Variants in PTPRD observed in about 807,000 individuals in gnomAD.
The protein encoded by PTPRD is protein tyrosine phosphatase receptor type D, also known as receptor-type tyrosine-protein phosphatase delta.
A neutral mutation model predicts 214.5 loss-of-function variants in PTPRD; 34 were observed. The ratio of observed to expected loss-of-function variants is 0.16; its 90% CI spans 0.12 to 0.21. PTPRD has a LOEUF of 0.21. Ranked by LOEUF, PTPRD falls within the 10% of genes least tolerant of loss-of-function variation. The probability of loss-of-function intolerance (pLI) is 1.00; values close to 1 mark genes in which losing one functional copy is unlikely to be tolerated. For synonymous variants in PTPRD, 1,128 were observed against 845.7 expected (o/e 1.33, Z -5.79); for missense variants, 2,545 against 2,398.7 (o/e 1.06, Z -1.27).
At chr9:9,131,142 T>C (rs988430872) in intron 10 of PTPRD, among the ~76,000 whole-genome samples, 5 of 152,152 alleles carry the variant, frequency 3.3e-5, no homozygotes. Flanking sequence ...TAAAAAATGA[T>C]ACTTAGGGCA....
At chr9:8,401,560 T>TTGGTTGG (rs1476908263) in intron 36 of PTPRD, among the ~76,000 whole-genome samples, 4 of 152,142 alleles carry the variant, frequency 2.6e-5, no homozygotes, top group Non-Finnish European at 5.9e-5. Context: ...TTTCCTAGCC[T>TTGGTTGG]AAATAAAATG....
chr9:10,151,256 C>CTTTT lies in PTPRD; in HGVS notation c.-544-117470_-544-117467dup, dbSNP rs71321228. 3.7e-3 allele frequency among the ~76,000 whole-genome samples: 46 copies of CTTTT among 12,384 alleles called. 12 individuals carry two copies. Among genetic ancestry groups the CTTTT allele is most frequent in the South Asian group, 6.6e-3 (2 of 304 alleles). The allele number at this position is 12,384 out of a possible 152,430, so 8.1% of individuals were successfully genotyped here. A position where few individuals can be genotyped will look rare whatever the true frequency, so the allele number is the denominator to read the frequency against. ...TTGTATTTCTAGACTTTTTTGTTAACTTTTTTTTTTTTTTTTTTTTTTTTG... is the reference window on the plus strand; with the variant it reads ...TTGTATTTCTAGACTTTTTTGTTAACTTTTTTTTTTTTTTTTTTTTTTTTTTTTG... On this transcript the variant is annotated intron_variant, in intron 3 of 45. Coordinates refer to ENST00000381196, the MANE Select transcript of PTPRD (RefSeq NM_002839.4).
At chr9:8,824,858 A>G (rs2097144741) in intron 11 of PTPRD, among the ~76,000 whole-genome samples, 1 of 152,200 alleles carries the variant, frequency 6.6e-6, no homozygotes, top group Admixed American at 6.5e-5. Flanking sequence ...TTTAATAACA[A>G]GTATAGTATA....
At chr9:8,667,583 T>G (rs2097195438) in intron 12 of PTPRD, among the ~76,000 whole-genome samples, 3 of 152,114 alleles carry the variant, frequency 2.0e-5, no homozygotes, top group Admixed American at 2.0e-4. Context: ...AAAGATTGCA[T>G]AAAATTATCT....
At chr9:8,440,209 C>T (rs2095501155) in intron 34 of PTPRD, among the ~76,000 whole-genome samples, 1 of 151,912 alleles carries the variant, frequency 6.6e-6, no homozygotes, top group Admixed American at 6.6e-5. Flanking sequence ...CTTTAGTACT[C>T]AGCTATTATT....
At chr9:8,953,862 G>C (rs753506960) in intron 11 of PTPRD, among the ~76,000 whole-genome samples, 1 of 151,920 alleles carries the variant, frequency 6.6e-6, no homozygotes, top group Admixed American at 6.6e-5. Context: ...TATTGGCAAG[G>C]CTGCAAAGAA....
At chr9:10,119,469 C>T (rs559073987) in intron 3 of PTPRD, among the ~76,000 whole-genome samples, 28 of 151,948 alleles carry the variant, frequency 1.8e-4, no homozygotes, top group African/African-American at 2.9e-4. Context: ...ATGTTTAAAA[C>T]GGTTCTAGTA....
intron 9 of PTPRD, among the ~76,000 whole-genome samples, chr9:9,358,403 G>C (rs1033117622): frequency 1.3e-5 from 2 of 151,152 alleles, no homozygotes; most frequent in Non-Finnish European, 1.5e-5. Flanking sequence ...AATATACCAG[G>C]TATCTTGCTA....
chr9:8,331,793 A>G (rs897919095), intron 43 of PTPRD, 57 bp from the exon 44 acceptor site: 42 of 1,511,310 alleles, frequency 2.8e-5, no homozygotes, highest in South Asian at 5.4e-5. Context: ...AGGATTCAGC[A>G]AGCATACGGA....
chr9:8,864,416 A>T (rs1429383897), intron 11 of PTPRD, among the ~76,000 whole-genome samples: 1 of 152,194 alleles, frequency 6.6e-6, no homozygotes, highest in East Asian at 1.9e-4. Flanking sequence ...GTGCTTTAAG[A>T]TTCAATGGTT....
intron 3 of PTPRD, among the ~76,000 whole-genome samples, chr9:10,124,241 C>T (rs900248876): frequency 3.9e-5 from 6 of 152,156 alleles, no homozygotes; most frequent in Non-Finnish European, 4.4e-5. Context: ...AGAAGTTACT[C>T]ATTTCATGCA....
chr9:10,230,891 TG>T (rs916627609), intron 3 of PTPRD, among the ~76,000 whole-genome samples: 3 of 152,058 alleles, frequency 2.0e-5, no homozygotes, highest in Admixed American at 2.0e-4. Context: ...GTTTAAAGTT[TG>T]TTTTACATAT....
At chr9:8,845,636 C>G (rs1396302863) in intron 11 of PTPRD, among the ~76,000 whole-genome samples, 1 of 152,242 alleles carries the variant, frequency 6.6e-6, no homozygotes, top group Non-Finnish European at 1.5e-5. Flanking sequence ...AGATTAGATA[C>G]TGCAAATCCT....
At chr9:9,167,712 G>T (rs1316693020) in intron 10 of PTPRD, among the ~76,000 whole-genome samples, 1 of 152,032 alleles carries the variant, frequency 6.6e-6, no homozygotes, top group Non-Finnish European at 1.5e-5. Context: ...CCGAGATCGC[G>T]CCATTGCACT....
intron 12 of PTPRD, among the ~76,000 whole-genome samples, chr9:8,712,215 G>C (rs1182892473): frequency 6.6e-6 from 1 of 152,184 alleles, no homozygotes; most frequent in East Asian, 1.9e-4. Flanking sequence ...GGATGGAGCT[G>C]TCCTTAGTAA....
At chr9:9,800,838 T>G (rs1254914687) in intron 5 of PTPRD, among the ~76,000 whole-genome samples, 1 of 152,156 alleles carries the variant, frequency 6.6e-6, no homozygotes, top group East Asian at 1.9e-4. Context: ...ATAAGCAATT[T>G]AAAGCTTGTA....
intron 5 of PTPRD, among the ~76,000 whole-genome samples, chr9:9,933,139 A>T (rs1318446933): frequency 6.6e-6 from 1 of 152,234 alleles, no homozygotes; most frequent in Non-Finnish European, 1.5e-5. Flanking sequence ...AAATGTAAAG[A>T]CCATCGAGAC....
intron 5 of PTPRD, among the ~76,000 whole-genome samples, chr9:9,797,717 G>C (rs1483720989): frequency 6.6e-6 from 1 of 151,196 alleles, no homozygotes; most frequent in Non-Finnish European, 1.5e-5. Flanking sequence ...CTTGTGGCAG[G>C]CACCTGTAAT....
intron 9 of PTPRD, among the ~76,000 whole-genome samples, chr9:9,299,337 A>G (rs1041419775): frequency 1.8e-4 from 28 of 151,720 alleles, no homozygotes; most frequent in African/African-American, 6.3e-4. Context: ...CTGGTAACAT[A>G]TTTAATGATT....
Sources: gnomAD v4.1 joint callset for allele counts (sites outside exome capture counted in the v4.1 genomes callset) on GRCh38, gnomAD v4.1.1 for gene constraint, MANE v1.5 for transcripts, NCBI Gene and HGNC (gene_info 2026-07-23, HGNC 2026-07-21) for gene names.